Variants in SPECC1L observed in about 807,000 individuals in gnomAD.
SPECC1L encodes the protein sperm antigen with calponin homology and coiled-coil domains 1 like.
Under a neutral mutation model 116.8 loss-of-function variants are expected in SPECC1L, and 40 were observed. The observed-to-expected ratio is 0.34, with a 90% CI of 0.27 to 0.45. The LOEUF (loss-of-function observed/expected upper bound fraction) is 0.45, where lower values mean the gene tolerates loss of function less well. SPECC1L is among the 20% of genes least tolerant of loss of function. The pLI, the probability that SPECC1L is intolerant of heterozygous loss-of-function variation, is 1.00. For missense variants in SPECC1L, 1,110 were observed against 1,373.6 expected (o/e 0.81, Z 3.03); for synonymous variants, 504 against 500.6 (o/e 1.01, Z -0.09).
chr22:24,282,369 A>T (rs2048959894), intron 2 of SPECC1L, among the ~76,000 whole-genome samples: 1 of 152,208 alleles, frequency 6.6e-6, no homozygotes, highest in Admixed American at 6.6e-5. Context: ...CTTTGTTTTA[A>T]ACTATAAACT....
chr22:24,376,862 A>G (rs1231870686), intron 14 of SPECC1L, among the ~76,000 whole-genome samples: 1 of 151,586 alleles, frequency 6.6e-6, no homozygotes, highest in Non-Finnish European at 1.5e-5. Flanking sequence ...GAGATATGCC[A>G]CACAAGATAC....
intron 11 of SPECC1L, among the ~76,000 whole-genome samples, chr22:24,360,558 T>TG (rs2041623665): frequency 6.6e-6 from 1 of 152,158 alleles, no homozygotes. Flanking sequence ...TCATGAACTT[T>TG]TTTTTTTTGC....
chr22:24,371,356 T>TA (rs768955021), intron 14 of SPECC1L, among the ~76,000 whole-genome samples: 3 of 152,196 alleles, frequency 2.0e-5, no homozygotes, highest in Non-Finnish European at 4.4e-5. Context: ...CTCGTGCCTG[T>TA]AGTCCCAGTA....
chr22:24,399,342 G>A (rs1316498068), intron 14 of SPECC1L, among the ~76,000 whole-genome samples: 41 of 152,162 alleles, frequency 2.7e-4, no homozygotes, highest in African/African-American at 5.3e-4. Flanking sequence ...AGGCCGAGGC[G>A]GGTGGATCAC....
chr22:24,410,186 T>A (rs1328819722), intron 14 of SPECC1L, among the ~76,000 whole-genome samples: 3 of 152,182 alleles, frequency 2.0e-5, no homozygotes, highest in African/African-American at 7.2e-5. Context: ...ATGGGGGGGA[T>A]CTCACTGTGT....
intron 4 of SPECC1L, among the ~76,000 whole-genome samples, chr22:24,314,968 T>C (rs926142511): frequency 3.3e-5 from 5 of 152,284 alleles, no homozygotes; most frequent in African/African-American, 7.2e-5. Flanking sequence ...ATGGAGTTGA[T>C]AAATTATCCT....
intron 12 of SPECC1L, among the ~76,000 whole-genome samples, chr22:24,365,089 C>T (rs1362429434): frequency 6.6e-6 from 1 of 152,116 alleles, no homozygotes; most frequent in Non-Finnish European, 1.5e-5. Flanking sequence ...CTTACTGCAA[C>T]CTCCACCACC....
At chr22:24,280,576 CA>C (rs777403759) in intron 2 of SPECC1L, among the ~76,000 whole-genome samples, 26 of 138,850 alleles carry the variant, frequency 1.9e-4, no homozygotes, top group Admixed American at 6.0e-4. Flanking sequence ...GTTTCAATAA[CA>C]TTTTTTTTTT....
At chr22:24,351,058 C>T (rs1160872489) in intron 11 of SPECC1L, among the ~76,000 whole-genome samples, 1 of 152,202 alleles carries the variant, frequency 6.6e-6, no homozygotes, top group Non-Finnish European at 1.5e-5. Flanking sequence ...CTGAGCTCAG[C>T]TGAAGCCAAC....
chr22:24,332,526 C>T (rs2040958866), intron 8 of SPECC1L, among the ~76,000 whole-genome samples: 1 of 152,184 alleles, frequency 6.6e-6, no homozygotes. Context: ...AGAACAGCTA[C>T]AGTTATCTAA....
chr22:24,352,107 C>T (rs536922755), intron 11 of SPECC1L, among the ~76,000 whole-genome samples: 1 of 152,116 alleles, frequency 6.6e-6, no homozygotes, highest in East Asian at 1.9e-4. Flanking sequence ...ACTATAAATG[C>T]ACTTAATCAA....
At chr22:24,370,779 G>A (rs5760369) in intron 14 of SPECC1L, among the ~76,000 whole-genome samples, 2 of 152,148 alleles carry the variant, frequency 1.3e-5, no homozygotes, top group African/African-American at 4.8e-5. Flanking sequence ...GCTACAACAC[G>A]ATGCACACTG....
chr22:24,317,502 TC>T lies in SPECC1L; in HGVS notation c.308-3783del, dbSNP rs1245150382. Among the ~76,000 whole-genome samples the T allele has an allele frequency of 8.0e-5, 10 of 125,052 alleles. No homozygotes were observed. The East Asian group carries it at 2.6e-3, about 32-fold the overall frequency. The allele number at this position is 125,052 out of a possible 152,430, so 82.0% of individuals were successfully genotyped here. On this transcript the variant is annotated intron_variant, in intron 4 of 16. Transcript: ENST00000314328. ...CAGGGGGCTGACCCCCCCACCTCCC[TC>T]CCGGACGGGGCGGCTGGCCAGGCAG...
chr22:24,288,486 T>G (rs2049089442), intron 2 of SPECC1L, among the ~76,000 whole-genome samples: 1 of 152,130 alleles, frequency 6.6e-6, no homozygotes, highest in African/African-American at 2.4e-5. Context: ...TAGCATTTTT[T>G]ATTAATTTCT....
intron 14 of SPECC1L, among the ~76,000 whole-genome samples, chr22:24,381,999 G>GT (rs1490410328): frequency 2.0e-5 from 3 of 150,806 alleles, no homozygotes; most frequent in Admixed American, 6.6e-5. Context: ...TTCTCAGGAA[G>GT]TTTATAGACT....
chr22:24,373,042 A>G (rs1219045398), intron 14 of SPECC1L, among the ~76,000 whole-genome samples: 1 of 152,230 alleles, frequency 6.6e-6, no homozygotes, highest in Non-Finnish European at 1.5e-5. Flanking sequence ...CAAAGAGAAT[A>G]AAATACCTAG....
chr22:24,383,198 A>T (rs1295635484), intron 14 of SPECC1L, among the ~76,000 whole-genome samples: 1 of 152,250 alleles, frequency 6.6e-6, no homozygotes, highest in African/African-American at 2.4e-5. Flanking sequence ...TGATTGAATG[A>T]GGTGATCAGC....
At chr22:24,325,239 G>C (rs1372893663) in intron 6 of SPECC1L, among the ~76,000 whole-genome samples, 5 of 152,218 alleles carry the variant, frequency 3.3e-5, no homozygotes, top group Non-Finnish European at 7.3e-5. Flanking sequence ...CCTCACAGTA[G>C]GAACACTGAA....
chr22:24,404,130 T>C (rs1170023988), intron 14 of SPECC1L, among the ~76,000 whole-genome samples: 1 of 152,198 alleles, frequency 6.6e-6, no homozygotes, highest in African/African-American at 2.4e-5. Flanking sequence ...TTCCTTTGCC[T>C]TCTGGTTTCT....
Sources: allele counts gnomAD v4.1 joint callset (sites outside exome capture counted in the v4.1 genomes callset), GRCh38; gene constraint gnomAD v4.1.1; transcripts MANE v1.5; gene names NCBI Gene and HGNC (gene_info 2026-07-23, HGNC 2026-07-21).